Variants in CT45A1 observed in about 807,000 individuals in gnomAD.
The protein encoded by CT45A1 is cancer/testis antigen 45-1.
chrX:135,713,851 G>A lies in CT45A1; in HGVS notation c.-7+161G>A, dbSNP rs782594231. 5.4e-5 allele frequency among the ~76,000 whole-genome samples: 6 copies of A among 111,058 alleles called. No individual in the cohort carries two copies. The East Asian group carries it at 8.6e-4, about 16-fold the overall frequency. On this transcript the variant is annotated intron_variant, in intron 1 of 4. Coordinates refer to ENST00000594565, the MANE Select transcript of CT45A1 (RefSeq NM_001017417.3). ...GAAGTGGCTCAGCTCTGGGGACACC[G>A]CCATGGGCGCCTGTGTCAGCCGCGG...
chrX:135,714,303 G>A, intron 1 of CT45A1, among the ~76,000 whole-genome samples: 1 of 109,455 alleles, frequency 9.1e-6, no homozygotes, highest in South Asian at 4.3e-4. Context: ...TATCCGCGAT[G>A]TGGACGCTTA....
At chrX:135,715,539 ATATATAATACTTATATG>A (rs1270136354) in intron 1 of CT45A1, among the ~76,000 whole-genome samples, 1 of 86,748 alleles carries the variant, frequency 1.2e-5, no homozygotes, top group African/African-American at 4.4e-5. Context: ...TATAATACTT[ATATATAATACTTATATG>A]TATATAATAC....
At chrX:135,717,053 T>C (rs1556571800) in intron 1 of CT45A1, among the ~76,000 whole-genome samples, 1 of 111,275 alleles carries the variant, frequency 9.0e-6, no homozygotes, top group East Asian at 2.8e-4. Context: ...CTAACTTAGT[T>C]CTTTTTCTTT....
chrX:135,716,659 C>T (rs1556571648), intron 1 of CT45A1, among the ~76,000 whole-genome samples: 1 of 111,226 alleles, frequency 9.0e-6, no homozygotes, highest in African/African-American at 3.3e-5. Context: ...AGAACTTTTC[C>T]ATTTAATTAT....
intron 1 of CT45A1, among the ~76,000 whole-genome samples, chrX:135,715,249 T>A (rs2087970076): frequency 1.3e-5 from 1 of 76,801 alleles, no homozygotes; most frequent in Admixed American, 1.7e-4. Context: ...TATATAATAC[T>A]TATATATATA....
chrX:135,712,179 C>CTTTTTTTTTTTTTTTTTTTTT (rs782572662), upstream of CT45A1, among the ~76,000 whole-genome samples: 9 of 48,421 alleles, frequency 1.9e-4, 1 homozygote, highest in Non-Finnish European at 2.3e-4. Flanking sequence ...TTTTTTCTTT[C>CTTTTTTTTTTTTTTTTTTTTT]TTTTTTTTTT....
chrX:135,717,281 G>A (rs2087995043), intron 1 of CT45A1, among the ~76,000 whole-genome samples: 2 of 111,900 alleles, frequency 1.8e-5, no homozygotes, highest in Non-Finnish European at 3.8e-5. Context: ...AGGCATGGTG[G>A]CTCACGCCTG....
intron 1 of CT45A1, among the ~76,000 whole-genome samples, chrX:135,714,995 A>G (rs1369882060): frequency 4.6e-5 from 5 of 107,707 alleles, no homozygotes; most frequent in African/African-American, 1.3e-4. Context: ...TGAGTTATAT[A>G]CACATGCACG....
intron 1 of CT45A1, among the ~76,000 whole-genome samples, chrX:135,716,773 T>G (rs2087991392): frequency 9.1e-6 from 1 of 110,166 alleles, no homozygotes; most frequent in South Asian, 3.8e-4. Flanking sequence ...AAGTGTTTAC[T>G]AGATTGTCTA....
At chrX:135,714,591 C>G (rs138456991) in intron 1 of CT45A1, among the ~76,000 whole-genome samples, 1 of 110,790 alleles carries the variant, frequency 9.0e-6, no homozygotes, top group Non-Finnish European at 1.9e-5. Flanking sequence ...CAGAAATATT[C>G]GAAGGTTCCA....
chrX:135,718,156 T>C (rs186157422), intron 1 of CT45A1, among the ~76,000 whole-genome samples: 2 of 112,059 alleles, frequency 1.8e-5, no homozygotes, highest in African/African-American at 6.5e-5. Flanking sequence ...TCATGTGGTG[T>C]TTCCCTGTTT....
upstream of CT45A1, among the ~76,000 whole-genome samples, chrX:135,712,494 C>T (rs1223988947): frequency 9.3e-6 from 1 of 107,600 alleles, no homozygotes; most frequent in Non-Finnish European, 1.9e-5. Flanking sequence ...CAACTGTTAC[C>T]TTTAACAGAT....
the CT45A1 span, among the ~76,000 whole-genome samples, chrX:135,708,480 G>C: frequency 9.0e-6 from 1 of 110,514 alleles, no homozygotes; most frequent in African/African-American, 3.3e-5. Context: ...TCTGCGTTGG[G>C]TGTGTGGTAC....
intron 1 of CT45A1, among the ~76,000 whole-genome samples, chrX:135,715,483 A>G (rs2087978153): frequency 2.4e-5 from 2 of 81,675 alleles, no homozygotes; most frequent in South Asian, 1.1e-3. Flanking sequence ...ACTTATATAT[A>G]ATACTTATAT....
At chrX:135,708,735 T>C (rs2148029876), upstream of CT45A1, among the ~76,000 whole-genome samples, 1 of 111,823 alleles carries the variant, frequency 8.9e-6, no homozygotes, top group African/African-American at 3.2e-5. Flanking sequence ...GAACACCATC[T>C]TGACATGCCA....
chrX:135,708,617 A>G, the CT45A1 span, among the ~76,000 whole-genome samples: 169 of 110,782 alleles, frequency 1.5e-3, 1 homozygote, highest in African/African-American at 5.4e-3. Context: ...TCAATGTGTC[A>G]CGGTACTGCA....
chrX:135,713,548 C>G (rs1414891996), upstream of CT45A1: 4 of 736,518 alleles, frequency 5.4e-6, no homozygotes, highest in African/African-American at 7.3e-5. Context: ...GAGACGCCTC[C>G]CCATGCACAT....
At chrX:135,714,170 G>C (rs868955818) in intron 1 of CT45A1, among the ~76,000 whole-genome samples, 4 of 109,611 alleles carry the variant, frequency 3.6e-5, no homozygotes, top group African/African-American at 1.0e-4. Context: ...GATCGCTGAC[G>C]GGGGCTTTAT....
intron 2 of CT45A1, among the ~76,000 whole-genome samples, chrX:135,719,629 TG>T (rs1440956921): frequency 1.0e-5 from 1 of 96,406 alleles, no homozygotes; most frequent in African/African-American, 3.7e-5. Context: ...ACCCCATCAT[TG>T]TTTTTTTCTA....
Sources: gnomAD v4.1 joint callset for allele counts (sites outside exome capture counted in the v4.1 genomes callset) on GRCh38, gnomAD v4.1.1 for gene constraint, MANE v1.5 for transcripts, NCBI Gene and HGNC (gene_info 2026-07-23, HGNC 2026-07-21) for gene names.